The following MYCBP2 variants were observed in gnomAD, a reference collection of about 807,000 sequenced individuals.
MYCBP2 encodes MYC binding protein 2, also known as E3 ubiquitin-protein ligase MYCBP2.
A neutral mutation model predicts 525.3 loss-of-function variants in MYCBP2; 120 were observed. That is an observed-to-expected ratio of 0.23 (90% CI 0.20 to 0.27). The LOEUF (loss-of-function observed/expected upper bound fraction) is 0.27, where lower values mean the gene tolerates loss of function less well. Among genes scored for constraint, MYCBP2 ranks in the 10% least tolerant of loss-of-function variants. The probability of loss-of-function intolerance (pLI) is 1.00; values close to 1 mark genes in which losing one functional copy is unlikely to be tolerated. For synonymous variants in MYCBP2, 1,894 were observed against 1,955.8 expected, an observed-to-expected ratio of 0.97 and a Z score of 0.83; for missense variants, 4,149 against 5,657.1, an observed-to-expected ratio of 0.73 and a Z score of 8.55.
rs779552400 is a variant in MYCBP2 at position 77,055,648 on chromosome 13, A to T, written c.13557T>A (p.Ala4519=). 2 of 1,613,980 alleles carry T rather than the reference A, an allele frequency of 1.2e-6. No individual in the cohort carries two copies. The highest frequency in any genetic ancestry group is 1.7e-6 in the Non-Finnish European group (2 of 1,179,980). ...LEYEGLHKSE[A]ITTPGVRFYN... ...AAAACCTCACACCAGGAGTTGTGAT[A>T]GCTTCACTCTTATGCAGACCTTCAT... The change falls in exon 80 of 83, where the codon GCT becomes GCA. Residue 4519 remains alanine, a synonymous_variant. Coordinates refer to ENST00000544440, the MANE Select transcript of MYCBP2 (RefSeq NM_015057.5).
intron 1 of MYCBP2, among the ~76,000 whole-genome samples, chr13:77,312,501 G>A (rs769577641): frequency 6.6e-6 from 1 of 152,020 alleles, no homozygotes; most frequent in Non-Finnish European, 1.5e-5. Flanking sequence ...TGTGTTTTAA[G>A]TGAATTAGTA....
chr13:77,260,610 G>T lies in MYCBP2; in HGVS notation c.1853-18C>A. 6.4e-7 allele frequency: 1 copy of T among 1,562,378 alleles called. No homozygotes were observed. On this transcript the variant is annotated intron_variant, in intron 12 of 82. Transcript: ENST00000544440. ...GCTCTTAGCTTTAAAAAAGAAATTAGATTAAATCAAGACCTCTATGTACAA... is the reference window on the plus strand; with the variant it reads ...GCTCTTAGCTTTAAAAAAGAAATTATATTAAATCAAGACCTCTATGTACAA...
At chr13:77,185,790 A>T (rs1254068455) in intron 31 of MYCBP2, 81 bp downstream of exon 31, 22 of 1,058,052 alleles carry the variant, frequency 2.1e-5, no homozygotes, top group Non-Finnish European at 2.9e-5. Context: ...GGGGGCATAA[A>T]CTCTCAGTTA....
rs994938863 is a variant in MYCBP2, at chr13:77,327,015, G to A, written c.-240C>T. On this transcript the variant is annotated 5_prime_UTR_variant, in exon 1 of 83. Transcript: ENST00000544440. ...TAACCCCGCCACCCCGGGAATGTGA[G>A]GAGGAGGCGGTGCCGCCACTGCCGC... is the stretch of plus-strand genomic sequence containing the variant. 10 of 441,064 alleles carry A rather than the reference G, an allele frequency of 2.3e-5. No homozygotes were observed. Among genetic ancestry groups the A allele is most frequent in the African/African-American group, 6.2e-5 (3 of 48,768 alleles). The allele number at this position is 441,064 out of a possible 1,614,324, so 27.3% of individuals were successfully genotyped here. A position where few individuals can be genotyped will look rare whatever the true frequency, so the allele number is the denominator to read the frequency against.
intron 52 of MYCBP2, among the ~76,000 whole-genome samples, chr13:77,132,147 A>G (rs1833578294): frequency 6.6e-6 from 1 of 152,140 alleles, no homozygotes; most frequent in Non-Finnish European, 1.5e-5. Flanking sequence ...TCTTAACCAT[A>G]TAAGAACAGC....
chr13:77,203,344 G>T (rs1203429874), intron 26 of MYCBP2, among the ~76,000 whole-genome samples: 6 of 151,876 alleles, frequency 4.0e-5, no homozygotes, highest in Non-Finnish European at 7.4e-5. Context: ...ACAAGGGATG[G>T]GAAGGACCTC....
intron 35 of MYCBP2, 50 bp from the exon 36 acceptor site, chr13:77,176,678 T>C (rs780453834): frequency 6.7e-6 from 9 of 1,340,544 alleles, no homozygotes; most frequent in Non-Finnish European, 8.9e-6. Flanking sequence ...CTTAATTTTA[T>C]TGTATGAACA....
intron 28 of MYCBP2, among the ~76,000 whole-genome samples, 180 bp from the exon 29 acceptor site, chr13:77,190,515 A>G (rs2061200223): frequency 6.6e-6 from 1 of 152,206 alleles, no homozygotes; most frequent in South Asian, 2.1e-4. Flanking sequence ...CAGTAAAATG[A>G]AAGAACTGAA....
At chr13:77,184,980 C>A in intron 32 of MYCBP2, 123 bp downstream of exon 32, 7 of 965,738 alleles carry the variant, frequency 7.2e-6, no homozygotes, top group Non-Finnish European at 1.1e-5. Flanking sequence ...TCATGTACAC[C>A]GAATGATTTC....
intron 16 of MYCBP2, 131 bp from the exon 17 acceptor site, chr13:77,243,291 T>C: frequency 1.4e-6 from 1 of 733,852 alleles, no homozygotes; most frequent in Non-Finnish European, 2.3e-6. Flanking sequence ...ATTTTTACTT[T>C]AATAATTCTT....
intron 14 of MYCBP2, among the ~76,000 whole-genome samples, chr13:77,253,563 T>C (rs1320265922): frequency 6.6e-6 from 1 of 151,874 alleles, no homozygotes; most frequent in Non-Finnish European, 1.5e-5. Flanking sequence ...AGAAAACTAA[T>C]TTATGGTAAT....
In MYCBP2 at chr13:77,140,848, T is replaced by G. The variant is rs1189944315; in HGVS notation, c.7399A>C (p.Lys2467Gln). 2 of 1,607,098 alleles carry G rather than the reference T, an allele frequency of 1.2e-6. No individual in the cohort carries two copies. Among genetic ancestry groups the G allele is most frequent in the Admixed American group, 3.4e-5 (2 of 58,692 alleles). ...CTCTCAATTCATTCTGCCCTAACCT[T>G]ATTAGGCTGAGGTTCAGACTTTGGT... ...VKPKSEPQPNKVRKFVAKDSA... is the reference protein window; with the variant it reads ...VKPKSEPQPNQVRKFVAKDSA... Residue 2467 changes from lysine (K) to glutamine (Q), a missense_variant and splice_region_variant, in exon 50 of 83, where the codon AAG becomes CAG. Transcript: ENST00000544440.
rs1415326304 is a variant in MYCBP2, at chr13:77,045,261, C to A, written c.*117G>T. The A allele has an allele frequency of 3.2e-6, 2 of 617,072 alleles. No homozygotes were observed. Among genetic ancestry groups the A allele is most frequent in the Admixed American group, 6.3e-5 (2 of 31,738 alleles). 38.2% of individuals were successfully genotyped at this position (617,072 alleles called of 1,614,324 possible). ...TATCCTTCTTGCACTGTGAATGGTTCATTTTCATGGATGTAAAAATGGTCC... is the reference window on the plus strand; with the variant it reads ...TATCCTTCTTGCACTGTGAATGGTTAATTTTCATGGATGTAAAAATGGTCC... On this transcript the variant is annotated 3_prime_UTR_variant, in exon 83 of 83. Transcript: ENST00000544440.
chr13:77,325,594 T>C (rs973963226), intron 1 of MYCBP2, among the ~76,000 whole-genome samples: 2 of 152,236 alleles, frequency 1.3e-5, no homozygotes, highest in African/African-American at 4.8e-5. Flanking sequence ...CTACGCGCTA[T>C]TCAGATTTTC....
intron 15 of MYCBP2, among the ~76,000 whole-genome samples, chr13:77,245,418 T>C (rs1470293453): frequency 3.9e-5 from 6 of 152,182 alleles, no homozygotes. Context: ...TGGAATACTA[T>C]GCAGCCATAA....
Position 77,056,099 on chromosome 13 carries a change from GGTGTGTGTGTGT to G in MYCBP2, c.13438-344_13438-333del, listed in dbSNP as rs56952443. ...CACAAATAAGACACGCTCTGTGTTT[GGTGTGTGTGTGT>G]GTGTGTGTGTGTGTGTGTGTGTGTG... On this transcript the variant is annotated intron_variant, in intron 79 of 82. Transcript: ENST00000544440. Among the ~76,000 whole-genome samples, 973 of 120,590 alleles carry G rather than the reference GGTGTGTGTGTGT, an allele frequency of 8.1e-3. 7 individuals carry two copies. The highest frequency in any genetic ancestry group is 0.014 in the African/African-American group (416 of 30,446). 79.1% of individuals were successfully genotyped at this position (120,590 alleles called of 152,430 possible). A position where few individuals can be genotyped will look rare whatever the true frequency, so the allele number is the denominator to read the frequency against.
chr13:77,218,718 A>C (rs2154290325), intron 20 of MYCBP2, among the ~76,000 whole-genome samples: 1 of 152,350 alleles, frequency 6.6e-6, no homozygotes, highest in East Asian at 1.9e-4. Flanking sequence ...AACAGTAACT[A>C]TTATGATAAA....
intron 52 of MYCBP2, among the ~76,000 whole-genome samples, chr13:77,135,418 A>G (rs2053591847): frequency 6.6e-6 from 1 of 152,198 alleles, no homozygotes; most frequent in African/African-American, 2.4e-5. Context: ...CCTTGAGAAG[A>G]TGAGAGGGAA....
At chr13:77,124,431 T>G (rs2154163762) in intron 54 of MYCBP2, among the ~76,000 whole-genome samples, 1 of 152,334 alleles carries the variant, frequency 6.6e-6, no homozygotes, top group Middle Eastern at 3.4e-3. Context: ...TTCTCTTATT[T>G]ACCTAACTTC....
Sources: allele counts gnomAD v4.1 joint callset (sites outside exome capture counted in the v4.1 genomes callset), GRCh38; gene constraint gnomAD v4.1.1; transcripts MANE v1.5; gene names NCBI Gene and HGNC (gene_info 2026-07-23, HGNC 2026-07-21).